CSMD1: variants seen among roughly 807,000 people sequenced by gnomAD.
CSMD1 encodes CUB and sushi domain-containing protein 1.
Under a neutral mutation model 417.5 loss-of-function variants are expected in CSMD1, and 213 were observed. The observed-to-expected ratio is 0.51, with a 90% confidence interval of 0.46 to 0.57. The LOEUF is 0.57. Among genes scored for constraint, CSMD1 ranks in the 20% least tolerant of loss-of-function variants. CSMD1 has a pLI of 0.00. For synonymous variants in CSMD1, 2,862 were observed against 1,736.8 expected, an observed-to-expected ratio of 1.65 and a Z score of -16.11; for missense variants, 6,923 against 4,529.7, an observed-to-expected ratio of 1.53 and a Z score of -15.17.
At chr8:4,274,078 A>G (rs887373511) in intron 3 of CSMD1, among the ~76,000 whole-genome samples, 2 of 152,180 alleles carry the variant, frequency 1.3e-5, no homozygotes, top group African/African-American at 2.4e-5. Flanking sequence ...ATTGTAATAT[A>G]TAACTCATTT....
intron 3 of CSMD1, among the ~76,000 whole-genome samples, chr8:4,255,816 T>G (rs1034851573): frequency 2.6e-5 from 4 of 152,232 alleles, no homozygotes; most frequent in African/African-American, 7.2e-5. Context: ...TCTGGGGCAC[T>G]GGCTGGCCTT....
chr8:3,880,744 A>T (rs2975343), intron 5 of CSMD1, among the ~76,000 whole-genome samples: 2 of 152,198 alleles, frequency 1.3e-5, no homozygotes, highest in African/African-American at 4.8e-5. Flanking sequence ...AAATTATATT[A>T]TACAGCTATT....
At chr8:3,516,658 T>C (rs1797294318) in intron 10 of CSMD1, among the ~76,000 whole-genome samples, 1 of 152,210 alleles carries the variant, frequency 6.6e-6, no homozygotes, top group Admixed American at 6.5e-5. Flanking sequence ...TGTTTTTCTA[T>C]AATGTATTGG....
chr8:4,247,502 C>A (rs990339275), intron 3 of CSMD1, among the ~76,000 whole-genome samples: 1 of 152,094 alleles, frequency 6.6e-6, no homozygotes, highest in East Asian at 1.9e-4. Flanking sequence ...TGTTTTCTTT[C>A]GGTGTAGAAA....
chr8:4,428,512 G>T (rs1358591485), intron 2 of CSMD1, among the ~76,000 whole-genome samples: 2 of 152,044 alleles, frequency 1.3e-5, no homozygotes. Context: ...CTCTCTACAT[G>T]TCAGAGCAGG....
intron 3 of CSMD1, among the ~76,000 whole-genome samples, chr8:4,119,239 C>G (rs1802340028): frequency 6.6e-6 from 1 of 151,972 alleles, no homozygotes; most frequent in Admixed American, 6.6e-5. Context: ...CACATGTGTC[C>G]TAGAACTTAA....
intron 1 of CSMD1, among the ~76,000 whole-genome samples, chr8:4,990,708 T>C (rs369506599): frequency 3.3e-5 from 5 of 152,254 alleles, no homozygotes; most frequent in African/African-American, 1.2e-4. Context: ...GAAAGTATCT[T>C]CTTCACAGGA....
intron 3 of CSMD1, among the ~76,000 whole-genome samples, chr8:4,346,416 G>A (rs905606711): frequency 2.0e-5 from 3 of 152,124 alleles, no homozygotes; most frequent in Admixed American, 2.0e-4. Flanking sequence ...ACATCAGGGA[G>A]TATGACCCAC....
chr8:4,801,725 C>A (rs1798296607), intron 1 of CSMD1, among the ~76,000 whole-genome samples: 1 of 151,478 alleles, frequency 6.6e-6, no homozygotes, highest in Non-Finnish European at 1.5e-5. Context: ...CACCACCCCA[C>A]ATTAATAATA....
At chr8:4,290,027 A>G (rs1253777384) in intron 3 of CSMD1, among the ~76,000 whole-genome samples, 2 of 152,228 alleles carry the variant, frequency 1.3e-5, no homozygotes, top group Non-Finnish European at 1.5e-5. Flanking sequence ...GTGCACTGCA[A>G]CTGTTAAGGT....
intron 12 of CSMD1, among the ~76,000 whole-genome samples, chr8:3,452,773 A>G (rs190478214): frequency 4.6e-5 from 7 of 152,090 alleles, no homozygotes; most frequent in African/African-American, 1.2e-4. Flanking sequence ...TTGGTCTAAA[A>G]TTCTCTTTTT....
chr8:4,010,362 T>A lies in CSMD1; in HGVS notation c.611-12252A>T, dbSNP rs892968782. 3.3e-5 allele frequency among the ~76,000 whole-genome samples: 5 copies of A among 152,138 alleles called. No homozygotes were observed. The South Asian group carries it at 1.0e-3, about 32-fold the overall frequency. On this transcript the variant is annotated intron_variant, in intron 4 of 69. Coordinates refer to ENST00000635120, the MANE Select transcript of CSMD1 (RefSeq NM_033225.6). ...CTTGAAATCCACTATTCCAAGAAGA[T>A]TTAAACTTCGGGCCCTCTGTCAGCC...
chr8:4,076,846 G>A (rs537457638), intron 3 of CSMD1, among the ~76,000 whole-genome samples: 2 of 152,066 alleles, frequency 1.3e-5, no homozygotes, highest in East Asian at 3.9e-4. Context: ...GCTAACTTAA[G>A]ATAGGCTACT....
intron 2 of CSMD1, among the ~76,000 whole-genome samples, chr8:4,560,704 G>C (rs986273944): frequency 6.6e-6 from 1 of 152,112 alleles, no homozygotes; most frequent in Non-Finnish European, 1.5e-5. Context: ...TTTTTTGTTA[G>C]TCGACAACAC....
At chr8:3,606,353 C>T (rs180793542) in intron 8 of CSMD1, among the ~76,000 whole-genome samples, 1 of 152,150 alleles carries the variant, frequency 6.6e-6, no homozygotes, top group Non-Finnish European at 1.5e-5. Flanking sequence ...CTAGTCCTCC[C>T]AGGCTATGAA....
Position 3,574,988 on chromosome 8 carries a change from T to C in CSMD1, c.1301A>G (p.Asn434Ser). Residue 434 changes from asparagine (N) to serine (S), a missense_variant, in exon 10 of 70, where the codon AAT becomes AGT. By Grantham distance (46) the Asn-to-Ser change is conservative (BLOSUM62 1). Coordinates refer to ENST00000635120, the MANE Select transcript of CSMD1 (RefSeq NM_033225.6). Reference protein sequence around the residue: ...SPNYPVQYEDNAHCVWVITTT... With the variant: ...SPNYPVQYEDSAHCVWVITTT... ...GGTGATGACCCACACACAGTGTGCA[T>C]TATCTTCATACTGAACCGGATAATT... 1 of 1,613,208 alleles carries C rather than the reference T, an allele frequency of 6.2e-7. No homozygotes were observed. Among genetic ancestry groups the C allele is most frequent in the Non-Finnish European group, 8.5e-7 (1 of 1,179,776 alleles).
intron 2 of CSMD1, among the ~76,000 whole-genome samples, chr8:4,430,355 A>C (rs1261244741): frequency 6.6e-6 from 1 of 152,160 alleles, no homozygotes; most frequent in African/African-American, 2.4e-5. Context: ...AAAGGCTTAC[A>C]TCATTAAAGG....
At chr8:4,477,989 A>G (rs371493167) in intron 2 of CSMD1, among the ~76,000 whole-genome samples, 1 of 152,196 alleles carries the variant, frequency 6.6e-6, no homozygotes, top group Non-Finnish European at 1.5e-5. Flanking sequence ...CATGCAGAAA[A>G]CTGTTAAGTA....
chr8:3,492,658 T>C (rs184311946), intron 11 of CSMD1, among the ~76,000 whole-genome samples: 79 of 152,284 alleles, frequency 5.2e-4, no homozygotes, highest in African/African-American at 1.7e-3. Context: ...AGGCCCTCTC[T>C]CTGGAAGTAG....
Sources: gnomAD v4.1 joint callset for allele counts (sites outside exome capture counted in the v4.1 genomes callset) on GRCh38, gnomAD v4.1.1 for gene constraint, MANE v1.5 for transcripts, NCBI Gene and HGNC (gene_info 2026-07-23, HGNC 2026-07-21) for gene names.